SLC13A3: variants seen among roughly 807,000 people sequenced by gnomAD.
SLC13A3 encodes the protein Na(+)/dicarboxylate cotransporter 3.
In SLC13A3, 40 loss-of-function variants were observed where a neutral mutation model predicts 59.0. The observed-to-expected ratio is 0.68, with a 90% CI of 0.53 to 0.88. The LOEUF (loss-of-function observed/expected upper bound fraction) is 0.88. Among genes scored for constraint, SLC13A3 ranks in the 40% least tolerant of loss-of-function variants. The probability of loss-of-function intolerance (pLI) is 0.00; values close to 1 mark genes in which losing one functional copy is unlikely to be tolerated. For missense variants in SLC13A3, 699 were observed against 783.2 expected (o/e 0.89, Z 1.28); for synonymous variants, 317 against 330.3 (o/e 0.96, Z 0.44).
chr20:46,588,133 G>C lies in SLC13A3; in HGVS notation c.1047C>G (p.Phe349Leu), dbSNP rs772056353. 1.9e-6 allele frequency: 3 copies of C among 1,612,910 alleles called. No individual in the cohort carries two copies. The highest frequency in any genetic ancestry group is 1.7e-6 in the Non-Finnish European group (2 of 1,179,310). The change falls in exon 8 of 13, where the codon TTC becomes TTG. Residue 349 changes from phenylalanine to leucine, a missense_variant. By Grantham distance (22) the Phe-to-Leu change is conservative. Coordinates refer to ENST00000279027, the MANE Select transcript of SLC13A3 (RefSeq NM_022829.6). ...TGAAGAGGAGGATGGCAAACATGCAGAAAAGGATGAAAACAGCCTGTTCGG... is the reference window on the plus strand; with the variant it reads ...TGAAGAGGAGGATGGCAAACATGCACAAAAGGATGAAAACAGCCTGTTCGG... ...KFAEQAVFIL[F>L]CMFAILLFTR...
intron 6 of SLC13A3, among the ~76,000 whole-genome samples, chr20:46,590,526 A>G (rs1181867448): frequency 6.6e-6 from 1 of 152,244 alleles, no homozygotes; most frequent in African/African-American, 2.4e-5. Flanking sequence ...ACACAGTTTC[A>G]CAATTCACAG....
chr20:46,608,327 G>A (rs1475924579), intron 3 of SLC13A3, among the ~76,000 whole-genome samples: 1 of 152,112 alleles, frequency 6.6e-6, no homozygotes, highest in Non-Finnish European at 1.5e-5. Flanking sequence ...ACATTGCCAC[G>A]CCTGCTTGTT....
At chr20:46,653,850 A>G (rs369883772), upstream of SLC13A3, among the ~76,000 whole-genome samples, 1 of 152,164 alleles carries the variant, frequency 6.6e-6, no homozygotes, top group African/African-American at 2.4e-5. Context: ...TTGTTGATAG[A>G]CATTGGGTTG....
At chr20:46,567,890 C>A (rs1198897153) in intron 10 of SLC13A3, among the ~76,000 whole-genome samples, 1 of 152,172 alleles carries the variant, frequency 6.6e-6, no homozygotes, top group Admixed American at 6.5e-5. Flanking sequence ...ATAAAGCCAC[C>A]GTTTGCTTAG....
At chr20:46,654,827 G>A (rs887020334), upstream of SLC13A3, among the ~76,000 whole-genome samples, 1 of 152,152 alleles carries the variant, frequency 6.6e-6, no homozygotes, top group African/African-American at 2.4e-5. Context: ...CACCATGCCT[G>A]GCCAAGAACT....
At chr20:46,578,905 GTCATCATCA>G (rs754672662) in intron 9 of SLC13A3, among the ~76,000 whole-genome samples, 4 of 151,360 alleles carry the variant, frequency 2.6e-5, no homozygotes, top group African/African-American at 7.3e-5. Context: ...CGTCGTCGTC[GTCATCATCA>G]TCATCATCAT....
rs368787666 is a variant in SLC13A3 at position 46,572,293 on chromosome 20, G to A, written c.1332+3280C>T. On this transcript the variant is annotated intron_variant, in intron 10 of 12. Transcript: ENST00000279027. ...AGGATGTGCCATAAGCATTCTGGTCGCTCCTGGGCCAGGCTGCGGCTGCCT... is the reference window on the plus strand; with the variant it reads ...AGGATGTGCCATAAGCATTCTGGTCACTCCTGGGCCAGGCTGCGGCTGCCT... Among the ~76,000 whole-genome samples the A allele has an allele frequency of 5.9e-5, 9 of 152,296 alleles. No individual in the cohort carries two copies. In the East Asian group the frequency reaches 9.7e-4, roughly 16 times the overall value.
At chr20:46,604,150 G>A (rs574689241) in intron 3 of SLC13A3, among the ~76,000 whole-genome samples, 1 of 152,092 alleles carries the variant, frequency 6.6e-6, no homozygotes, top group Non-Finnish European at 1.5e-5. Flanking sequence ...CTTGTCTAAG[G>A]GCAAGGTGGC....
upstream of SLC13A3, among the ~76,000 whole-genome samples, chr20:46,672,201 G>C (rs1431237328): frequency 6.6e-6 from 1 of 152,236 alleles, no homozygotes; most frequent in Non-Finnish European, 1.5e-5. Context: ...CCTGGCACAT[G>C]AGTGGGAAAT....
intron 1 of SLC13A3, among the ~76,000 whole-genome samples, chr20:46,631,204 T>C (rs2425886): frequency 0.21 from 32,616 of 152,058 alleles, 4,123 homozygotes; most frequent in East Asian, 0.64. Context: ...TCCTGGCATC[T>C]AGTGAGTACA....
chr20:46,608,722 A>C, intron 3 of SLC13A3: 1 of 855,968 alleles, frequency 1.2e-6, no homozygotes. Flanking sequence ...AAGTTTTAAC[A>C]GATACGTATT....
In SLC13A3 at chr20:46,585,662, G is replaced by A. The variant is rs182429761; in HGVS notation, c.1122-1993C>T. The A allele has an allele frequency of 4.3e-4, 558 of 1,288,024 alleles. 4 individuals carry two copies. The African/African-American group carries it at 8.2e-3, about 19-fold the overall frequency. 79.8% of individuals were successfully genotyped at this position (1,288,024 alleles called of 1,614,324 possible). On this transcript the variant is annotated intron_variant, in intron 8 of 12. Transcript: ENST00000279027. ...GCATTGTTTAAAAGTCAGGAAAGAT[G>A]TATATCAGAATTAGAGACTGAGATT... is the stretch of plus-strand genomic sequence containing the variant.
At chr20:46,653,108 T>A (rs1408422326), upstream of SLC13A3, among the ~76,000 whole-genome samples, 1 of 152,196 alleles carries the variant, frequency 6.6e-6, no homozygotes, top group East Asian at 1.9e-4. Context: ...ATTATTTGGT[T>A]TTTTACAGTT....
intron 2 of SLC13A3, among the ~76,000 whole-genome samples, chr20:46,611,490 G>A (rs1377838287): frequency 6.6e-6 from 1 of 152,120 alleles, no homozygotes; most frequent in Non-Finnish European, 1.5e-5. Context: ...CTGTCCCACA[G>A]GACTGGCAGC....
At chr20:46,595,314 C>T (rs1568926837) in intron 5 of SLC13A3, among the ~76,000 whole-genome samples, 1 of 152,158 alleles carries the variant, frequency 6.6e-6, no homozygotes, top group African/African-American at 2.4e-5. Context: ...CTTTTCTTTT[C>T]TCTTTTCTCT....
At chr20:46,572,366 A>G (rs1199387796) in intron 10 of SLC13A3, among the ~76,000 whole-genome samples, 1 of 152,150 alleles carries the variant, frequency 6.6e-6, no homozygotes, top group Non-Finnish European at 1.5e-5. Context: ...CAGCTACTAC[A>G]CAAAGCCCCT....
At chr20:46,684,241 TTA>T (rs1214134314) in intron 1 of SLC13A3, 2 of 152,512 alleles carry the variant, frequency 1.3e-5, no homozygotes, top group Non-Finnish European at 1.5e-5. Flanking sequence ...TGAAACTGTC[TTA>T]TGTTCCCCAG....
chr20:46,605,886 A>G (rs2062433560), intron 3 of SLC13A3, among the ~76,000 whole-genome samples: 1 of 152,202 alleles, frequency 6.6e-6, no homozygotes, highest in Non-Finnish European at 1.5e-5. Context: ...GGGAAGGTCA[A>G]AAGCCCCCAA....
intron 12 of SLC13A3, 80 bp from the exon 13 acceptor site, chr20:46,560,278 A>C: frequency 7.2e-7 from 1 of 1,390,776 alleles, no homozygotes. Context: ...CAGAGACAGG[A>C]AGTCACTCAC....
Sources: allele counts gnomAD v4.1 joint callset (sites outside exome capture counted in the v4.1 genomes callset), GRCh38; gene constraint gnomAD v4.1.1; transcripts MANE v1.5; gene names NCBI Gene and HGNC (gene_info 2026-07-23, HGNC 2026-07-21).